PLD5: variants seen among roughly 807,000 people sequenced by gnomAD.
PLD5 encodes the protein phospholipase D family member 5.
In PLD5, 36 loss-of-function variants were observed where a neutral mutation model predicts 61.1. The ratio of observed to expected loss-of-function variants is 0.59; its 90% CI spans 0.45 to 0.78. The LOEUF (loss-of-function observed/expected upper bound fraction) is 0.78, where lower values mean the gene tolerates loss of function less well. Ranked by LOEUF, PLD5 falls within the 30% of genes least tolerant of loss-of-function variation. The probability of loss-of-function intolerance (pLI) is 0.00; values close to 1 mark genes in which losing one functional copy is unlikely to be tolerated. For synonymous variants in PLD5, 243 were observed against 242.8 expected (o/e 1.00, Z -0.01); for missense variants, 515 against 644.4 (o/e 0.80, Z 2.17).
rs1330246565 is a variant in PLD5, at chr1:242,256,383, T to C, written c.607+8954A>G. Among the ~76,000 whole-genome samples the C allele has an allele frequency of 1.3e-5, 2 of 152,248 alleles. No individual in the cohort carries two copies. Among genetic ancestry groups the C allele is most frequent in the Non-Finnish European group, 2.9e-5 (2 of 68,036 alleles). On this transcript the variant is annotated intron_variant, in intron 4 of 9. Transcript: ENST00000536534. The surrounding 1 kb of genome is among the most constrained non-coding windows in gnomAD (Gnocchi z 5.7). ...TCTATTTCTCTATCTGATTTGAATG[T>C]CCCTCAAGAATCATTCGTTTAAACG... is the stretch of plus-strand genomic sequence containing the variant.
At chr1:242,257,233 T>G (rs1673119618) in intron 4 of PLD5, among the ~76,000 whole-genome samples, 1 of 151,980 alleles carries the variant, frequency 6.6e-6, no homozygotes, top group African/African-American at 2.4e-5. Flanking sequence ...AAACAAAACC[T>G]TGTAAAAAAA....
At chr1:242,445,904 C>T (rs983734598) in intron 1 of PLD5, among the ~76,000 whole-genome samples, 10 of 151,778 alleles carry the variant, frequency 6.6e-5, no homozygotes, top group African/African-American at 2.2e-4. Context: ...TTTCTCTCTA[C>T]CATTCTAATT....
intron 2 of PLD5, among the ~76,000 whole-genome samples, chr1:242,318,462 A>G (rs1217108783): frequency 6.6e-6 from 1 of 152,056 alleles, no homozygotes; most frequent in Non-Finnish European, 1.5e-5. Flanking sequence ...GACGGGAGAG[A>G]GAAGGAGAGC....
At chr1:242,494,091 T>C (rs139158395) in intron 1 of PLD5, among the ~76,000 whole-genome samples, 25 of 62,366 alleles carry the variant, frequency 4.0e-4, no homozygotes, top group African/African-American at 1.5e-3. Flanking sequence ...CTGCCCTCCC[T>C]TCCCCTCTCC....
intron 1 of PLD5, among the ~76,000 whole-genome samples, chr1:242,417,507 T>C (rs1477998661): frequency 6.6e-6 from 1 of 152,250 alleles, no homozygotes; most frequent in Non-Finnish European, 1.5e-5. Flanking sequence ...TAAATATGGC[T>C]GCAGAACTGC....
chr1:242,423,937 T>C (rs536874879), intron 1 of PLD5, among the ~76,000 whole-genome samples: 3 of 152,322 alleles, frequency 2.0e-5, no homozygotes, highest in African/African-American at 7.2e-5. Flanking sequence ...ATCTTACTCA[T>C]GCAAGTATAG....
intron 1 of PLD5, among the ~76,000 whole-genome samples, chr1:242,426,058 T>G (rs558460417): frequency 1.4e-4 from 21 of 152,210 alleles, no homozygotes; most frequent in Non-Finnish European, 2.2e-4. Context: ...ATATTTTCCT[T>G]CTTTGTATCC....
chr1:242,392,271 G>A (rs1244181580), intron 1 of PLD5, among the ~76,000 whole-genome samples: 4 of 152,176 alleles, frequency 2.6e-5, no homozygotes, highest in Admixed American at 6.5e-5. Context: ...AGGAGGGAGA[G>A]AGAGGGCAAG....
chr1:242,414,005 C>G (rs2149291450), intron 1 of PLD5, among the ~76,000 whole-genome samples: 1 of 152,200 alleles, frequency 6.6e-6, no homozygotes, highest in African/African-American at 2.4e-5. Flanking sequence ...CCTTTGGTAG[C>G]TGTGAAGTAG....
At chr1:242,525,079 G>A (rs1435807936), upstream of PLD5, among the ~76,000 whole-genome samples, 2 of 150,798 alleles carry the variant, frequency 1.3e-5, no homozygotes, top group East Asian at 2.0e-4. Context: ...CGCTTGGGCT[G>A]CGCCTTCCCC....
intron 1 of PLD5, among the ~76,000 whole-genome samples, chr1:242,513,852 CTGAA>C (rs1178574959): frequency 5.9e-5 from 9 of 152,224 alleles, no homozygotes; most frequent in African/African-American, 2.2e-4. Context: ...TAAACGTTTC[CTGAA>C]TGAATGAGCT....
chr1:242,267,888 T>TAA (rs552931193), intron 3 of PLD5, among the ~76,000 whole-genome samples: 10,246 of 109,566 alleles, frequency 0.094, 401 homozygotes, highest in Middle Eastern at 0.14. Flanking sequence ...CTCCAAAAAT[T>TAA]AAAAAAAAAA....
chr1:242,327,478 A>G (rs1658871773), intron 2 of PLD5, among the ~76,000 whole-genome samples: 1 of 152,220 alleles, frequency 6.6e-6, no homozygotes, highest in Non-Finnish European at 1.5e-5. Flanking sequence ...TAGCCCTAGA[A>G]CAGAACAATG....
intron 5 of PLD5, among the ~76,000 whole-genome samples, chr1:242,167,620 T>C (rs1666424805): frequency 6.6e-6 from 1 of 152,228 alleles, no homozygotes; most frequent in Admixed American, 6.5e-5. Context: ...GATAAAGTTC[T>C]AACTATTTCA....
chr1:242,447,873 C>A (rs752752444), intron 1 of PLD5, among the ~76,000 whole-genome samples: 1 of 152,144 alleles, frequency 6.6e-6, no homozygotes, highest in Non-Finnish European at 1.5e-5. Flanking sequence ...TATGCTGGCG[C>A]GAGAGGGACT....
intron 1 of PLD5, among the ~76,000 whole-genome samples, chr1:242,470,221 A>T (rs1448950483): frequency 6.6e-6 from 1 of 151,834 alleles, no homozygotes; most frequent in Admixed American, 6.6e-5. Flanking sequence ...GGGCGCCTGT[A>T]CTCCCAGCTA....
chr1:242,138,710 G>GT (rs1415354547), intron 5 of PLD5, among the ~76,000 whole-genome samples: 1 of 152,180 alleles, frequency 6.6e-6, no homozygotes, highest in Non-Finnish European at 1.5e-5. Flanking sequence ...ATCTGCTCAC[G>GT]TGGGGCTACA....
rs529364462 is a variant in PLD5 at position 242,298,048 on chromosome 1, T to A, written c.327-9518A>T. On this transcript the variant is annotated intron_variant, in intron 2 of 9. Transcript: ENST00000536534. The stretch of plus-strand genomic sequence containing the variant: ...GAGCCCCTGTAAGTTGTATTCTGTG[T>A]CCTTTTGATGTATTTCTTTCCATTT... Among the ~76,000 whole-genome samples, 248 of 152,342 alleles carry A rather than the reference T, an allele frequency of 1.6e-3. 6 individuals carry two copies. In the South Asian group the frequency reaches 0.05, roughly 30 times the overall value.
At chr1:242,451,053 T>C (rs1452727932) in intron 1 of PLD5, among the ~76,000 whole-genome samples, 1 of 152,178 alleles carries the variant, frequency 6.6e-6, no homozygotes, top group Non-Finnish European at 1.5e-5. Context: ...TCGTTTTGAC[T>C]CTACCTTGGG....
Sources: gnomAD v4.1 joint callset for allele counts (sites outside exome capture counted in the v4.1 genomes callset) on GRCh38, gnomAD v4.1.1 for gene constraint, Gnocchi (gnomAD v3.1) non-coding constraint, MANE v1.5 for transcripts, NCBI Gene and HGNC (gene_info 2026-07-23, HGNC 2026-07-21) for gene names.